FSTL4: variants seen among roughly 807,000 people sequenced by gnomAD.
FSTL4 encodes the protein follistatin like 4.
FSTL4 carries 28 observed loss-of-function variants against 78.2 expected under a neutral mutation model. The observed-to-expected ratio is 0.36, with a 90% CI of 0.27 to 0.49. FSTL4 has a LOEUF of 0.49. Ranked by LOEUF, FSTL4 falls within the 20% of genes least tolerant of loss-of-function variation. The pLI, the probability that FSTL4 is intolerant of heterozygous loss-of-function variation, is 0.98. For missense variants in FSTL4, 922 were observed against 1,084.9 expected, an observed-to-expected ratio of 0.85 and a Z score of 2.11; for synonymous variants, 422 against 440.5, an observed-to-expected ratio of 0.96 and a Z score of 0.53.
At chr5:133,818,450 C>G in the FSTL4 span, among the ~76,000 whole-genome samples, 3 of 152,178 alleles carry the variant, frequency 2.0e-5, no homozygotes, top group Admixed American at 6.5e-5. Flanking sequence ...GATCCAGCTA[C>G]TGGAGAGGGG....
chr5:133,648,337 G>A, the FSTL4 span, among the ~76,000 whole-genome samples: 2 of 152,156 alleles, frequency 1.3e-5, no homozygotes, highest in Non-Finnish European at 2.9e-5. Context: ...AGCCCAAGGG[G>A]GCAGCTTTGA....
intron 6 of FSTL4, among the ~76,000 whole-genome samples, chr5:133,303,465 G>C (rs1036043493): frequency 2.6e-5 from 4 of 152,228 alleles, no homozygotes; most frequent in African/African-American, 9.6e-5. Flanking sequence ...CCCAGGGTCT[G>C]GCTCTCCAGC....
chr5:133,435,961 G>A (rs1757025356), intron 3 of FSTL4, among the ~76,000 whole-genome samples: 1 of 151,982 alleles, frequency 6.6e-6, no homozygotes, highest in African/African-American at 2.4e-5. Context: ...ATGCCATTTG[G>A]CTTTAAGTGT....
At chr5:133,395,548 T>G (rs561536894) in intron 4 of FSTL4, among the ~76,000 whole-genome samples, 6 of 152,160 alleles carry the variant, frequency 3.9e-5, no homozygotes, top group Middle Eastern at 3.2e-3. Context: ...ACCCACCAAT[T>G]CTGGACACAA....
the FSTL4 span, among the ~76,000 whole-genome samples, chr5:133,834,177 G>T: frequency 6.6e-6 from 1 of 152,178 alleles, no homozygotes; most frequent in South Asian, 2.1e-4. Flanking sequence ...ATCCCATGTT[G>T]GTAAGAGGAG....
the FSTL4 span, among the ~76,000 whole-genome samples, chr5:133,832,437 G>T: frequency 6.6e-6 from 1 of 152,188 alleles, no homozygotes. Flanking sequence ...CAGATCGATG[G>T]CAGTCATTCT....
At chr5:133,254,365 C>T (rs866017648) in intron 6 of FSTL4, among the ~76,000 whole-genome samples, 64 of 152,372 alleles carry the variant, frequency 4.2e-4, no homozygotes, top group African/African-American at 1.3e-3. Context: ...TGGCCACATA[C>T]AGCTCCTGTG....
At chr5:133,266,841 G>A (rs762783811) in intron 6 of FSTL4, among the ~76,000 whole-genome samples, 4 of 152,206 alleles carry the variant, frequency 2.6e-5, no homozygotes, top group Admixed American at 2.0e-4. Flanking sequence ...GTGGAGGTCC[G>A]GAGCAGTGAC....
the FSTL4 span, among the ~76,000 whole-genome samples, chr5:133,696,922 C>T: frequency 6.6e-6 from 1 of 152,188 alleles, no homozygotes; most frequent in Non-Finnish European, 1.5e-5. Context: ...GCCCACGAAG[C>T]CTAAATGGAC....
chr5:133,706,592 T>C, the FSTL4 span, among the ~76,000 whole-genome samples: 4 of 152,204 alleles, frequency 2.6e-5, no homozygotes. Context: ...ATTTCATAAA[T>C]GCCATGTGAC....
chr5:133,517,996 T>C (rs1336815135), intron 3 of FSTL4, among the ~76,000 whole-genome samples: 1 of 152,226 alleles, frequency 6.6e-6, no homozygotes, highest in Non-Finnish European at 1.5e-5. Flanking sequence ...ATCTGAAAAG[T>C]ATCTTCACAG....
chr5:133,835,847 G>A, the FSTL4 span, among the ~76,000 whole-genome samples: 1,812 of 152,196 alleles, frequency 0.012, 42 homozygotes, highest in African/African-American at 0.042. Flanking sequence ...TTCTCCTTTT[G>A]AGTCTAACAA....
chr5:133,714,425 G>T, the FSTL4 span, among the ~76,000 whole-genome samples: 3 of 152,128 alleles, frequency 2.0e-5, no homozygotes. Flanking sequence ...CCAAGCCCAC[G>T]CTCTTAACCC....
chr5:133,335,604 A>T (rs1283735753), intron 4 of FSTL4, among the ~76,000 whole-genome samples: 1 of 148,848 alleles, frequency 6.7e-6, no homozygotes, highest in African/African-American at 2.5e-5. Context: ...CAACCCCTAA[A>T]CTGTCCCCTG....
At chr5:133,318,751 C>A (rs2126894652) in intron 4 of FSTL4, among the ~76,000 whole-genome samples, 1 of 152,362 alleles carries the variant, frequency 6.6e-6, no homozygotes, top group South Asian at 2.1e-4. Context: ...AAGGTGAGGA[C>A]AGGCTGGGTC....
At chr5:133,789,772 A>G in the FSTL4 span, among the ~76,000 whole-genome samples, 2 of 152,146 alleles carry the variant, frequency 1.3e-5, no homozygotes, top group Non-Finnish European at 2.9e-5. Flanking sequence ...ACCACCCCTC[A>G]CTGTCCTCAT....
At chr5:133,347,861 C>T (rs907194293) in intron 4 of FSTL4, among the ~76,000 whole-genome samples, 1 of 152,204 alleles carries the variant, frequency 6.6e-6, no homozygotes, top group Non-Finnish European at 1.5e-5. Flanking sequence ...GACCTAGTTT[C>T]CACTTTAGAG....
At chr5:133,371,479 C>G (rs1274676043) in intron 4 of FSTL4, among the ~76,000 whole-genome samples, 1 of 152,190 alleles carries the variant, frequency 6.6e-6, no homozygotes, top group Non-Finnish European at 1.5e-5. Context: ...GGGCCTGACT[C>G]CTGGTGGCAG....
chr5:133,657,775 GTT>G, the FSTL4 span, among the ~76,000 whole-genome samples: 74 of 133,692 alleles, frequency 5.5e-4, no homozygotes, highest in Middle Eastern at 3.9e-3. Context: ...TGTTTTTTTT[GTT>G]TTTTTTTTTT....
Sources: allele counts gnomAD v4.1 joint callset (sites outside exome capture counted in the v4.1 genomes callset), GRCh38; gene constraint gnomAD v4.1.1; transcripts MANE v1.5; gene names NCBI Gene and HGNC (gene_info 2026-07-23, HGNC 2026-07-21).